Variants in PAPSS1 observed in about 807,000 individuals in gnomAD.
The protein encoded by PAPSS1 is bifunctional 3'-phosphoadenosine 5'-phosphosulfate synthase 1.
PAPSS1 carries 50 observed loss-of-function variants against 72.0 expected under a neutral mutation model. The observed-to-expected ratio is 0.69, with a 90% CI of 0.55 to 0.88. PAPSS1 has a LOEUF of 0.88. Ranked by LOEUF, PAPSS1 falls within the 40% of genes least tolerant of loss-of-function variation. The pLI is 0.00. For missense variants in PAPSS1, 657 were observed against 782.2 expected, an observed-to-expected ratio of 0.84 and a Z score of 1.91; for synonymous variants, 261 against 263.6, an observed-to-expected ratio of 0.99 and a Z score of 0.09.
intron 2 of PAPSS1, among the ~76,000 whole-genome samples, chr4:107,697,035 T>C (rs967782675): frequency 1.3e-4 from 18 of 140,740 alleles, no homozygotes; most frequent in African/African-American, 3.0e-4. Context: ...CACAAAATGC[T>C]ATGCAGCTTT....
At chr4:107,642,487 C>G (rs1173237070) in intron 10 of PAPSS1, among the ~76,000 whole-genome samples, 1 of 151,972 alleles carries the variant, frequency 6.6e-6, no homozygotes, top group Non-Finnish European at 1.5e-5. Flanking sequence ...AGTTATAAAA[C>G]CTAACATAAA....
At chr4:107,643,368 G>A (rs562121254) in intron 10 of PAPSS1, among the ~76,000 whole-genome samples, 3 of 152,266 alleles carry the variant, frequency 2.0e-5, no homozygotes, top group Admixed American at 1.3e-4. Flanking sequence ...CTGGAAACAC[G>A]GAGGTATAAT....
intron 5 of PAPSS1, among the ~76,000 whole-genome samples, chr4:107,675,820 A>C (rs1265923237): frequency 6.6e-6 from 1 of 152,204 alleles, no homozygotes; most frequent in Non-Finnish European, 1.5e-5. Context: ...GCAGCACATC[A>C]AAAAGCTTAT....
At chr4:107,628,924 A>C (rs1726164698) in intron 11 of PAPSS1, among the ~76,000 whole-genome samples, 1 of 152,190 alleles carries the variant, frequency 6.6e-6, no homozygotes, top group Non-Finnish European at 1.5e-5. Context: ...TACCACTTTA[A>C]ACTTACAGAG....
In PAPSS1 at chr4:107,693,807, T is replaced by G. The variant is rs755678956; in HGVS notation, c.375A>C (p.Leu125Phe). The G allele has an allele frequency of 1.2e-6, 2 of 1,613,866 alleles. No homozygotes were observed. Among genetic ancestry groups the G allele is most frequent in the Non-Finnish European group, 1.7e-6 (2 of 1,179,808 alleles). The change falls in exon 3 of 12, where the codon TTA becomes TTC. Residue 125 changes from leucine (L) to phenylalanine (F), a missense_variant. By Grantham distance (22) the Leu-to-Phe change is conservative. This residue lies in a region of PAPSS1 where 119 missense variants were observed against 171.1 expected (regional missense o/e 0.70). Transcript: ENST00000265174. Reference sequence around the variant, plus strand: ...GTGATATGAAACTTGTGATGCACACTAAGCCAGCATCTGCAAACAGTTTAG... The same window carrying G: ...GTGATATGAAACTTGTGATGCACACGAAGCCAGCATCTGCAAACAGTTTAG... ...EVAKLFADAG[L>F]VCITSFISPY...
At chr4:107,639,138 C>T (rs1411104829) in intron 10 of PAPSS1, among the ~76,000 whole-genome samples, 2 of 152,100 alleles carry the variant, frequency 1.3e-5, no homozygotes, top group African/African-American at 4.8e-5. Context: ...CAAGCAAGAA[C>T]AAATTCTGAA....
chr4:107,645,868 C>T (rs186876389), intron 9 of PAPSS1, among the ~76,000 whole-genome samples: 79 of 152,326 alleles, frequency 5.2e-4, no homozygotes, highest in Non-Finnish European at 9.8e-4. Context: ...TTCTAACAAT[C>T]TGTAAGCCAA....
chr4:107,654,258 C>A (rs1024688738), intron 8 of PAPSS1, among the ~76,000 whole-genome samples: 4 of 152,074 alleles, frequency 2.6e-5, no homozygotes, highest in Non-Finnish European at 5.9e-5. Context: ...CCACATACAA[C>A]ATATATATAT....
chr4:107,667,151 T>A (rs1727340962), intron 5 of PAPSS1, among the ~76,000 whole-genome samples: 1 of 152,172 alleles, frequency 6.6e-6, no homozygotes, highest in South Asian at 2.1e-4. Flanking sequence ...TAATCAAATG[T>A]GCGACGTAAA....
At chr4:107,652,965 T>A (rs1258597034) in intron 9 of PAPSS1, among the ~76,000 whole-genome samples, 1 of 152,002 alleles carries the variant, frequency 6.6e-6, no homozygotes, top group Admixed American at 6.6e-5. Context: ...TGTATCATTA[T>A]TTGCTGTGAC....
chr4:107,713,813 C>A (rs1290849093), intron 1 of PAPSS1, among the ~76,000 whole-genome samples: 2 of 151,146 alleles, frequency 1.3e-5, no homozygotes, highest in African/African-American at 4.9e-5. Context: ...GTAAGGTATG[C>A]AAGCACCAAA....
chr4:107,630,947 T>C (rs1726211475), intron 11 of PAPSS1, among the ~76,000 whole-genome samples: 1 of 152,138 alleles, frequency 6.6e-6, no homozygotes, highest in African/African-American at 2.4e-5. Context: ...ATGACAAAAG[T>C]GGAAAATTCC....
chr4:107,621,608 CTTTTTT>C (rs10670438), intron 11 of PAPSS1, among the ~76,000 whole-genome samples: 1,559 of 48,008 alleles, frequency 0.032, 24 homozygotes, highest in African/African-American at 0.11. Flanking sequence ...GGTTTTTTAT[CTTTTTT>C]TTTTTTTTTT....
rs770640726 is a variant in PAPSS1, at chr4:107,654,740, A to G, written c.1056T>C (p.Cys352=). 17 of 1,613,702 alleles carry G rather than the reference A, an allele frequency of 1.1e-5. No homozygotes were observed. In the South Asian group the frequency reaches 1.8e-4, roughly 17 times the overall value. ...TGCATGTCGTTCCCCACTGTCTGGC[A>G]CAGCGCTCCTCTTTCCTGTGCTCAA... The part of the protein sequence containing the change: ...EFFEHRKEER[C]ARQWGTTCKN... The change falls in exon 8 of 12, where the codon TGT becomes TGC. Residue 352 remains cysteine, a synonymous_variant. Coordinates refer to ENST00000265174, the MANE Select transcript of PAPSS1 (RefSeq NM_005443.5).
chr4:107,696,014 C>T (rs1218715203), intron 2 of PAPSS1, among the ~76,000 whole-genome samples: 3 of 152,112 alleles, frequency 2.0e-5, no homozygotes, highest in African/African-American at 7.2e-5. Flanking sequence ...ATCAAAACCA[C>T]AATGAGATAT....
chr4:107,691,214 T>C (rs1578425251), intron 3 of PAPSS1, among the ~76,000 whole-genome samples: 1 of 152,188 alleles, frequency 6.6e-6, no homozygotes, highest in African/African-American at 2.4e-5. Flanking sequence ...CATCAAAATT[T>C]ATGATACAGT....
At chr4:107,677,924 A>T (rs1160789675) in intron 5 of PAPSS1, among the ~76,000 whole-genome samples, 1 of 152,118 alleles carries the variant, frequency 6.6e-6, no homozygotes, top group East Asian at 1.9e-4. Flanking sequence ...TTCTCAGCAA[A>T]CTATCGCAAC....
intron 5 of PAPSS1, among the ~76,000 whole-genome samples, chr4:107,677,474 AACCACAATGAGAT>A (rs1727684658): frequency 6.6e-6 from 1 of 152,222 alleles, no homozygotes; most frequent in Admixed American, 6.5e-5. Flanking sequence ...TGCAAATCAA[AACCACAATGAGAT>A]ACCATCTCAC....
intron 5 of PAPSS1, among the ~76,000 whole-genome samples, chr4:107,661,645 T>TA (rs1004289783): frequency 6.6e-6 from 1 of 151,842 alleles, no homozygotes; most frequent in Non-Finnish European, 1.5e-5. Context: ...GAAACTTCTC[T>TA]AAAAAAAAGT....
Sources: gnomAD v4.1 joint callset for allele counts (sites outside exome capture counted in the v4.1 genomes callset) on GRCh38, gnomAD v4.1.1 for gene constraint, gnomAD v4.1.1 regional missense constraint, MANE v1.5 for transcripts, NCBI Gene and HGNC (gene_info 2026-07-23, HGNC 2026-07-21) for gene names.